The following ABCA4 variants were observed in gnomAD, a reference collection of about 807,000 sequenced individuals.
The protein encoded by ABCA4 is retinal-specific phospholipid-transporting ATPase ABCA4.
In ABCA4, 196 loss-of-function variants were observed where a neutral mutation model predicts 263.7. That is an observed-to-expected ratio of 0.74 (90% CI 0.66 to 0.84). The LOEUF is 0.84. Among genes scored for constraint, ABCA4 ranks in the 40% least tolerant of loss-of-function variants. ABCA4 has a pLI of 0.00. For missense variants in ABCA4, 2,792 were observed against 2,855.1 expected (o/e 0.98, Z 0.50); for synonymous variants, 1,133 against 1,094.2 (o/e 1.04, Z -0.70).
chr1:94,025,974 C>T (rs1299914916), intron 30 of ABCA4, among the ~76,000 whole-genome samples: 1 of 152,178 alleles, frequency 6.6e-6, no homozygotes, highest in African/African-American at 2.4e-5. Flanking sequence ...TTACAAATCA[C>T]TTTCAAAATA....
chr1:94,109,415 C>T (rs1662537952), intron 3 of ABCA4, among the ~76,000 whole-genome samples: 1 of 152,238 alleles, frequency 6.6e-6, no homozygotes, highest in Admixed American at 6.5e-5. Flanking sequence ...CCACAAGGAC[C>T]TCCCTGCACA....
At chr1:94,060,414 CTGGGAAGCTAGA>C in intron 14 of ABCA4, 111 bp downstream of exon 14, 1 of 914,178 alleles carries the variant, frequency 1.1e-6, no homozygotes, top group Non-Finnish European at 1.8e-6. Context: ...AAAGGAAGGG[CTGGGAAGCTAGA>C]TGTCACGCTC....
In ABCA4 at chr1:94,111,494, A is replaced by G; in HGVS notation, c.246T>C (p.Phe82=). 2 of 1,614,214 alleles carry G rather than the reference A, an allele frequency of 1.2e-6. No homozygotes were observed. The highest frequency in any genetic ancestry group is 1.7e-6 in the Non-Finnish European group (2 of 1,180,026). The part of the protein sequence containing the change: ...GIFCNVNNPC[F]QSPTPGESPG... The stretch of plus-strand genomic sequence containing the variant: ...GAGATTCTCCTGGGGTGGGGCTTTG[A>G]AAACAGGGATTGTTCACATTGCAGA... The change falls in exon 3 of 50, where the codon TTT becomes TTC. Residue 82 remains phenylalanine (F), a synonymous_variant. Coordinates refer to ENST00000370225, the MANE Select transcript of ABCA4 (RefSeq NM_000350.3).
At chr1:93,998,396 A>G (rs984720309) in intron 47 of ABCA4, among the ~76,000 whole-genome samples, 4 of 152,108 alleles carry the variant, frequency 2.6e-5, no homozygotes, top group African/African-American at 9.7e-5. Flanking sequence ...CGGGAGGATC[A>G]CTTGAGCATA....
intron 6 of ABCA4, 46 bp downstream of exon 6, chr1:94,098,748 C>T: frequency 6.2e-7 from 1 of 1,604,774 alleles, no homozygotes. Context: ...CTCTGCTACC[C>T]CAGGAATCAC....
In ABCA4 at chr1:94,079,360, T is replaced by A. The variant is rs559674920; in HGVS notation, c.1201A>T (p.Thr401Ser). ...KPLLMGKILY[T>S]PDSPAARRIL... ...CTTCGTGCTGCAGGTGAATCAGGAG[T>A]GTACAGGATTTTTCCCATCAGCAAA... is the stretch of plus-strand genomic sequence containing the variant. The change falls in exon 9 of 50, where the codon ACT becomes TCT. Residue 401 changes from threonine to serine, a missense_variant. Coordinates refer to ENST00000370225, the MANE Select transcript of ABCA4 (RefSeq NM_000350.3). 6.6e-5 allele frequency: 107 copies of A among 1,613,822 alleles called. No homozygotes were observed. In the South Asian group the frequency reaches 1.1e-3, roughly 16 times the overall value.
At chr1:94,039,063 A>T (rs1660420340) in intron 24 of ABCA4, among the ~76,000 whole-genome samples, 1 of 152,216 alleles carries the variant, frequency 6.6e-6, no homozygotes, top group African/African-American at 2.4e-5. Flanking sequence ...GTATCAATTT[A>T]AAACAAATAT....
intron 38 of ABCA4, among the ~76,000 whole-genome samples, chr1:94,012,380 T>G (rs1659571041): frequency 6.6e-6 from 1 of 152,122 alleles, no homozygotes; most frequent in South Asian, 2.1e-4. Flanking sequence ...GCTCAGAGAG[T>G]GCCTTCCCTT....
intron 44 of ABCA4, among the ~76,000 whole-genome samples, chr1:94,005,207 A>T (rs192192090): frequency 2.6e-4 from 40 of 152,356 alleles, no homozygotes; most frequent in South Asian, 2.1e-4. Flanking sequence ...GGATAAATGC[A>T]TACAACATTT....
chr1:94,023,477 T>TGTGG, intron 31 of ABCA4, 59 bp from the exon 32 acceptor site: 1 of 1,388,828 alleles, frequency 7.2e-7, no homozygotes, highest in Non-Finnish European at 1.0e-6. Context: ...GCCGTTAACT[T>TGTGG]TCTTTCCCAA....
rs182803507 is a variant in ABCA4, at chr1:94,001,211, G to A, written c.6283-106C>T. 9.7e-4 allele frequency: 844 copies of A among 866,532 alleles called. 5 individuals are homozygous for A. Among genetic ancestry groups the A allele is most frequent in the African/African-American group, 7.8e-3 (468 of 59,948 alleles). 53.7% of individuals were successfully genotyped at this position (866,532 alleles called of 1,614,324 possible). ...TGTGGAGGATGAGCTGACAGAAGGCGCACACAGTCACTCCCCTCACTTGAG... is the reference window on the plus strand; with the variant it reads ...TGTGGAGGATGAGCTGACAGAAGGCACACACAGTCACTCCCCTCACTTGAG... On this transcript the variant is annotated intron_variant, in intron 45 of 49. Coordinates refer to ENST00000370225, the MANE Select transcript of ABCA4 (RefSeq NM_000350.3).
chr1:94,061,350 A>T (rs1360074156), intron 13 of ABCA4: 1 of 163,182 alleles, frequency 6.1e-6, no homozygotes, highest in Non-Finnish European at 1.4e-5. Context: ...ACCACCAGCC[A>T]TGCACAGGTG....
chr1:94,057,745 T>C (rs1316629487), intron 14 of ABCA4, among the ~76,000 whole-genome samples: 3 of 152,206 alleles, frequency 2.0e-5, no homozygotes, highest in African/African-American at 7.2e-5. Flanking sequence ...AACTAGCAAC[T>C]TTTGCTAGGG....
At chr1:94,008,703 C>T in intron 41 of ABCA4, 48 bp downstream of exon 41, 1 of 1,613,258 alleles carries the variant, frequency 6.2e-7, no homozygotes, top group Non-Finnish European at 8.5e-7. Flanking sequence ...AACATCATGC[C>T]AACTGTGGAT....
chr1:94,119,484 C>T (rs939350826), intron 1 of ABCA4, among the ~76,000 whole-genome samples: 4 of 152,176 alleles, frequency 2.6e-5, no homozygotes, highest in African/African-American at 9.7e-5. Context: ...TATTGTCCCT[C>T]GGCCCCACAT....
At chr1:94,056,126 C>T (rs1660971605) in intron 15 of ABCA4, among the ~76,000 whole-genome samples, 1 of 152,244 alleles carries the variant, frequency 6.6e-6, no homozygotes, top group African/African-American at 2.4e-5. Flanking sequence ...TTCTGCACTT[C>T]TTTCTGCAAA....
chr1:94,067,283 C>T (rs544861355), intron 11 of ABCA4, among the ~76,000 whole-genome samples: 55 of 152,234 alleles, frequency 3.6e-4, no homozygotes, highest in African/African-American at 1.2e-3. Context: ...ATATCTGGCC[C>T]ATTCTCTTTG....
intron 30 of ABCA4, among the ~76,000 whole-genome samples, chr1:94,028,389 T>A (rs1330814936): frequency 1.3e-5 from 2 of 152,176 alleles, no homozygotes; most frequent in Admixed American, 1.3e-4. Context: ...AGGGTGCTGC[T>A]CAGAGCCAAG....
chr1:93,995,985 G>T, intron 49 of ABCA4, 124 bp downstream of exon 49: 1 of 791,738 alleles, frequency 1.3e-6, no homozygotes. Flanking sequence ...AGGGACCGTG[G>T]TGTGGGTGGG....
Sources: gnomAD v4.1 joint callset for allele counts (sites outside exome capture counted in the v4.1 genomes callset) on GRCh38, gnomAD v4.1.1 for gene constraint, MANE v1.5 for transcripts, NCBI Gene and HGNC (gene_info 2026-07-23, HGNC 2026-07-21) for gene names.